Variants in HIC1 observed in about 807,000 individuals in gnomAD.
HIC1 encodes the protein HIC ZBTB transcriptional repressor 1, also known as hypermethylated in cancer 1 protein.
A neutral mutation model predicts 26.4 loss-of-function variants in HIC1; 9 were observed. The ratio of observed to expected loss-of-function variants is 0.34; its 90% CI spans 0.21 to 0.59. HIC1 has a LOEUF of 0.59. HIC1 is among the 20% of genes least tolerant of loss of function. The pLI, the probability that HIC1 is intolerant of heterozygous loss-of-function variation, is 0.82. For synonymous variants in HIC1, 631 were observed against 523.1 expected, an observed-to-expected ratio of 1.21 and a Z score of -2.81; for missense variants, 965 against 1,075.7, an observed-to-expected ratio of 0.90 and a Z score of 1.44.
chr17:2,061,467 G>GGT lies in HIC1; in HGVS notation c.*2633_*2634insTG. Reference sequence around the variant, plus strand: ...GTGGCCTTTCAGGAACGGTTCCACGGGGGGGGGGCCCCAGTGTGGCTCCCT... The same window carrying GGT: ...GTGGCCTTTCAGGAACGGTTCCACGGGTGGGGGGGGCCCCAGTGTGGCTCCCT... On this transcript the variant is annotated 3_prime_UTR_variant, in exon 2 of 2. Transcript: ENST00000619757. 6.4e-7 allele frequency: 1 copy of GGT among 1,559,670 alleles called. No individual in the cohort carries two copies. The highest frequency in any genetic ancestry group is 8.7e-7 in the Non-Finnish European group (1 of 1,151,430).
Position 2,058,852 on chromosome 17 carries a change from C to A in HIC1, c.*17C>A. The stretch of plus-strand genomic sequence containing the variant: ...CCCACCTAGAGCGCCCCTCGCCAGC[C>A]CGCTCTGTCGCTGCTGCGCGGCCCT... On this transcript the variant is annotated 3_prime_UTR_variant, in exon 2 of 2. Transcript: ENST00000619757. 1 of 1,421,278 alleles carries A rather than the reference C, an allele frequency of 7.0e-7. No homozygotes were observed. Among genetic ancestry groups the A allele is most frequent in the Non-Finnish European group, 9.2e-7 (1 of 1,091,514 alleles). 88.0% of individuals were successfully genotyped at this position (1,421,278 alleles called of 1,614,324 possible).
Position 2,057,980 on chromosome 17 carries a change from T to C in HIC1, c.1290T>C (p.Ser430=), listed in dbSNP as rs762255608. The change falls in exon 2 of 2, where the codon TCT becomes TCC. Residue 430 remains serine (S), a synonymous_variant. Coordinates refer to ENST00000619757, the MANE Select transcript of HIC1 (RefSeq NM_006497.4). ...CIPCGKGFPS[S]EQLNAHVEAH... Reference sequence around the variant, plus strand: ...CGTGCGGCAAGGGCTTCCCCAGCTCTGAGCAGCTGAACGCGCACGTGGAGG... The same window carrying C: ...CGTGCGGCAAGGGCTTCCCCAGCTCCGAGCAGCTGAACGCGCACGTGGAGG... 39 of 1,609,792 alleles carry C rather than the reference T, an allele frequency of 2.4e-5. No individual in the cohort carries two copies. In the East Asian group the frequency reaches 8.0e-4, roughly 33 times the overall value.
rs2067691350 is a variant in HIC1 at position 2,058,046 on chromosome 17, G to A, written c.1356G>A (p.Glu452=). Residue 452 remains glutamate, a synonymous_variant, in exon 2 of 2, where the codon GAG becomes GAA. Transcript: ENST00000619757. ...AGGAAGCGCTGTACGGCAGGGCCGA[G>A]GCGGCCGAAGTGGCCGCTGGGGCCG... ...EEEEALYGRA[E]AAEVAAGAAG... The A allele has an allele frequency of 6.3e-7, 1 of 1,585,672 alleles. No homozygotes were observed.
Position 2,055,438 on chromosome 17 carries a change from C to A in HIC1, c.-21+200C>A, listed in dbSNP as rs1423244193. ...CGCGCCGGGTTCACGGCGGGGTCAG[C>A]GGCCCGGGGCCGGCTCTGCCCGCAC... On this transcript the variant is annotated intron_variant, in intron 1 of 1. Coordinates refer to ENST00000619757, the MANE Select transcript of HIC1 (RefSeq NM_006497.4). This position sits in a 1 kb window ranked among gnomAD's most constrained non-coding sequence, Gnocchi z 6.4. Among the ~76,000 whole-genome samples the A allele has an allele frequency of 6.8e-6, 1 of 147,804 alleles. No homozygotes were observed.
In HIC1 at chr17:2,061,631, A is replaced by G. The variant is rs1252514829; in HGVS notation, c.*2796A>G. On this transcript the variant is annotated 3_prime_UTR_variant, in exon 2 of 2. Coordinates refer to ENST00000619757, the MANE Select transcript of HIC1 (RefSeq NM_006497.4). ...TAGCCGGATTGGCTCCTCTGTGGGC[A>G]TGAGAGAGCAGAAGGCTGTCACTGA... The G allele has an allele frequency of 3.2e-6, 5 of 1,567,512 alleles. No homozygotes were observed. In the South Asian group the frequency reaches 4.7e-5, roughly 15 times the overall value.
rs1597314296 is a variant in HIC1, at chr17:2,063,093, A to G, written c.*4258A>G. The G allele has an allele frequency of 1.3e-5, 2 of 152,270 alleles. No homozygotes were observed. The highest frequency in any genetic ancestry group is 2.9e-5 in the Non-Finnish European group (2 of 68,056). 9.4% of individuals were successfully genotyped at this position (152,270 alleles called of 1,614,324 possible). ...CTCCCAGCTGACTGGCTGCGTCTGTAGCAGCCCCACTATTCCTGCCCTGGG... is the reference window on the plus strand; with the variant it reads ...CTCCCAGCTGACTGGCTGCGTCTGTGGCAGCCCCACTATTCCTGCCCTGGG... On this transcript the variant is annotated 3_prime_UTR_variant, in exon 2 of 2. Coordinates refer to ENST00000619757, the MANE Select transcript of HIC1 (RefSeq NM_006497.4).
rs1597305879 is a variant in HIC1, at chr17:2,059,643, A to G, written c.*808A>G. The G allele has an allele frequency of 6.0e-6, 1 of 166,942 alleles. No homozygotes were observed. Among genetic ancestry groups the G allele is most frequent in the South Asian group, 2.1e-4 (1 of 4,806 alleles). The allele number at this position is 166,942 out of a possible 1,614,324, so 10.3% of individuals were successfully genotyped here. A position where few individuals can be genotyped will look rare whatever the true frequency, so the allele number is the denominator to read the frequency against. ...CACAGGCTCTTCCAGAGCCGCTTCC[A>G]TTTTCTATACTCGAACCAAACAGCA... On this transcript the variant is annotated 3_prime_UTR_variant, in exon 2 of 2. Coordinates refer to ENST00000619757, the MANE Select transcript of HIC1 (RefSeq NM_006497.4).
chr17:2,056,789 G>A lies in HIC1; in HGVS notation c.99G>A (p.Val33=). The change falls in exon 2 of 2, where the codon GTG becomes GTA. Residue 33 remains valine (V), a synonymous_variant. Transcript: ENST00000619757. The stretch of plus-strand genomic sequence containing the variant: ...GCTTCTTGTGCGACGTGATCATCGT[G>A]GTGCAGAACGCCCTCTTCCGCGCGC... ...TKGFLCDVII[V]VQNALFRAHK... The A allele has an allele frequency of 6.2e-7, 1 of 1,612,770 alleles. No homozygotes were observed. The highest frequency in any genetic ancestry group is 2.2e-5 in the East Asian group (1 of 44,872).
chr17:2,058,388 C>T lies in HIC1; in HGVS notation c.1698C>T (p.His566=). Residue 566 remains histidine (H), a synonymous_variant, in exon 2 of 2, where the codon CAC becomes CAT. Coordinates refer to ENST00000619757, the MANE Select transcript of HIC1 (RefSeq NM_006497.4). Reference sequence around the variant, plus strand: ...GCCTCACGGAGCACATGCGCATCCACTCGGGCGAGAAGCCCTACGAGTGCC... The same window carrying T: ...GCCTCACGGAGCACATGCGCATCCATTCGGGCGAGAAGCCCTACGAGTGCC... The part of the protein sequence containing the change: ...QYRLTEHMRI[H]SGEKPYECQV... 1 of 1,610,952 alleles carries T rather than the reference C, an allele frequency of 6.2e-7. No individual in the cohort carries two copies.
Position 2,057,768 on chromosome 17 carries a change from C to A in HIC1, c.1078C>A (p.Arg360Ser). Residue 360 changes from arginine to serine, a missense_variant, in exon 2 of 2, where the codon CGC becomes AGC. Transcript: ENST00000619757. ...GPPLGLAPPP[R>S]YPGSLDGPGA... ...CCCGCTCGGCCTGGCGCCGCCGCCG[C>A]GCTACCCTGGCAGCCTGGACGGGCC... 2 of 1,458,866 alleles carry A rather than the reference C, an allele frequency of 1.4e-6. No homozygotes were observed. Among genetic ancestry groups the A allele is most frequent in the South Asian group, 1.4e-5 (1 of 73,874 alleles). The allele number at this position is 1,458,866 out of a possible 1,614,324, so 90.4% of individuals were successfully genotyped here.
At position 2,056,957 on chromosome 17, in the gene HIC1, C is replaced by G. The variant is rs752940567; in HGVS notation, c.267C>G (p.Asp89Glu). 6.2e-6 allele frequency: 10 copies of G among 1,604,756 alleles called. No individual in the cohort carries two copies. The African/African-American group carries it at 1.1e-4, about 17-fold the overall frequency. ...LDFIYTGRLADGAEAAAAAAV... is the reference protein window; with the variant it reads ...LDFIYTGRLAEGAEAAAAAAV... ...TCATCTACACCGGCCGCCTGGCTGA[C>G]GGCGCAGAGGCGGCTGCGGCCGCGG... Residue 89 changes from aspartate (D) to glutamate (E), a missense_variant, in exon 2 of 2, where the codon GAC becomes GAG. Transcript: ENST00000619757.
rs2151378364 is a variant in HIC1 at position 2,062,340 on chromosome 17, G to GTA, written c.*3507_*3508dup. ...GTCTTGTACCCCAGGGAAGACCTGTGTATCCTTCCAGGTTTCTTTAGGCAC... is the reference window on the plus strand; with the variant it reads ...GTCTTGTACCCCAGGGAAGACCTGTGTATATCCTTCCAGGTTTCTTTAGGCAC... On this transcript the variant is annotated 3_prime_UTR_variant, in exon 2 of 2. Transcript: ENST00000619757. 6.6e-6 allele frequency: 1 copy of GTA among 152,374 alleles called. No individual in the cohort carries two copies. The highest frequency in any genetic ancestry group is 2.4e-5 in the African/African-American group (1 of 41,574). 9.4% of individuals were successfully genotyped at this position (152,374 alleles called of 1,614,324 possible). A position where few individuals can be genotyped will look rare whatever the true frequency, so the allele number is the denominator to read the frequency against.
rs1442730922 is a variant in HIC1, at chr17:2,063,192, G to A, written c.*4357G>A. ...ACATTGCTGGCAGGGGTCTGCAGGG[G>A]TTTCTGTGGATACTTTGACATTTTT... On this transcript the variant is annotated 3_prime_UTR_variant, in exon 2 of 2. Coordinates refer to ENST00000619757, the MANE Select transcript of HIC1 (RefSeq NM_006497.4). 6.6e-6 allele frequency: 1 copy of A among 152,244 alleles called. No homozygotes were observed. Among genetic ancestry groups the A allele is most frequent in the Non-Finnish European group, 1.5e-5 (1 of 68,044 alleles). 9.4% of individuals were successfully genotyped at this position (152,244 alleles called of 1,614,324 possible).
rs1404077545 is a variant in HIC1 at position 2,055,546 on chromosome 17, G to A, written c.-21+308G>A. Among the ~76,000 whole-genome samples, 6 of 151,684 alleles carry A rather than the reference G, an allele frequency of 4.0e-5. No homozygotes were observed. The highest frequency in any genetic ancestry group is 7.4e-5 in the Non-Finnish European group (5 of 67,816). On this transcript the variant is annotated intron_variant, in intron 1 of 1. Coordinates refer to ENST00000619757, the MANE Select transcript of HIC1 (RefSeq NM_006497.4). This position sits in a 1 kb window ranked among gnomAD's most constrained non-coding sequence, Gnocchi z 6.4. The stretch of plus-strand genomic sequence containing the variant: ...AGGGGCGCTGCCCTGGCACAGCTCG[G>A]GGCCTGGCAGCGGCGGGTGGGGCAT...
At position 2,058,981 on chromosome 17, in the gene HIC1, CTGGCCTCACT is replaced by C; in HGVS notation, c.*147_*156del. 1.5e-6 allele frequency: 1 copy of C among 677,758 alleles called. No individual in the cohort carries two copies. Among genetic ancestry groups the C allele is most frequent in the Non-Finnish European group, 2.3e-6 (1 of 438,824 alleles). The allele number at this position is 677,758 out of a possible 1,614,324, so 42.0% of individuals were successfully genotyped here. ...CGGCTCCACCTCTCGGCGGCCTCAC[CTGGCCTCACT>C]GCTTCGTGCCTTAGCTCGGGGGTCG... On this transcript the variant is annotated 3_prime_UTR_variant, in exon 2 of 2. Coordinates refer to ENST00000619757, the MANE Select transcript of HIC1 (RefSeq NM_006497.4).
rs889267115 is a variant in HIC1 at position 2,059,088 on chromosome 17, G to A, written c.*253G>A. The A allele has an allele frequency of 3.5e-5, 15 of 432,336 alleles. No individual in the cohort carries two copies. Among genetic ancestry groups the A allele is most frequent in the African/African-American group, 2.9e-4 (14 of 47,940 alleles). The allele number at this position is 432,336 out of a possible 1,614,324, so 26.8% of individuals were successfully genotyped here. On this transcript the variant is annotated 3_prime_UTR_variant, in exon 2 of 2. Transcript: ENST00000619757. Reference sequence around the variant, plus strand: ...ATTTTTGATATCAGCTTTGACCAAAGGAGACCCCAGGCCCCTCCCGCCTCT... The same window carrying A: ...ATTTTTGATATCAGCTTTGACCAAAAGAGACCCCAGGCCCCTCCCGCCTCT...
In HIC1 at chr17:2,061,410, G is replaced by GTGGGCATCTTCCGTGCTACAC. The variant is rs2067769855; in HGVS notation, c.*2581_*2601dup. 5 of 1,375,100 alleles carry GTGGGCATCTTCCGTGCTACAC rather than the reference G, an allele frequency of 3.6e-6. No individual in the cohort carries two copies. In the Admixed American group the frequency reaches 1.1e-4, roughly 29 times the overall value. 85.2% of individuals were successfully genotyped at this position (1,375,100 alleles called of 1,614,324 possible). On this transcript the variant is annotated 3_prime_UTR_variant, in exon 2 of 2. Transcript: ENST00000619757. Reference sequence around the variant, plus strand: ...CTGGGTGGATTGGTGGCTCAGGCACGTGGGCATCTTCCGTGCTACACTGGG... The same window carrying GTGGGCATCTTCCGTGCTACAC: ...CTGGGTGGATTGGTGGCTCAGGCACGTGGGCATCTTCCGTGCTACACTGGGCATCTTCCGTGCTACACTGGG...
intron 1 of HIC1, 43 bp from the exon 2 acceptor site, chr17:2,056,612 TGGGGCCAGGCGGCCAG>T (rs1346110968): frequency 6.8e-7 from 1 of 1,469,820 alleles, no homozygotes; most frequent in Non-Finnish European, 9.0e-7. Flanking sequence ...AGTGCCGGGC[TGGGGCCAGGCGGCCAG>T]GGCGCCGCAC....
Position 2,056,682 on chromosome 17 carries a change from G to A in HIC1, c.-9G>A. 6.3e-7 allele frequency: 1 copy of A among 1,579,728 alleles called. No homozygotes were observed. On this transcript the variant is annotated 5_prime_UTR_variant, in exon 2 of 2. An upstream open reading frame in the 5' UTR gains an earlier in-frame stop. Coordinates refer to ENST00000619757, the MANE Select transcript of HIC1 (RefSeq NM_006497.4). The stretch of plus-strand genomic sequence containing the variant: ...GTGTGTCCCCGCAGGAGAGTGTGCT[G>A]GGCAGACGATGCTGGACACGATGGA...
Sources: allele counts gnomAD v4.1 joint callset (sites outside exome capture counted in the v4.1 genomes callset), GRCh38; gene constraint gnomAD v4.1.1; non-coding constraint Gnocchi (gnomAD v3.1); transcripts MANE v1.5; gene names NCBI Gene and HGNC (gene_info 2026-07-23, HGNC 2026-07-21).